KCNN2: variants seen among roughly 807,000 people sequenced by gnomAD.
The protein encoded by KCNN2 is potassium calcium-activated channel subfamily N member 2, also known as small conductance calcium-activated potassium channel protein 2.
KCNN2 carries 24 observed loss-of-function variants against 55.5 expected under a neutral mutation model. The observed-to-expected ratio is 0.43, with a 90% confidence interval of 0.31 to 0.61. The LOEUF is 0.61. KCNN2 is among the 20% of genes least tolerant of loss of function. The pLI is 0.08. For synonymous variants in KCNN2, 431 were observed against 336.1 expected (o/e 1.28, Z -3.09); for missense variants, 754 against 853.6 (o/e 0.88, Z 1.45).
intron 2 of KCNN2, among the ~76,000 whole-genome samples, chr5:114,392,433 A>ATTCCTC (rs887108050): frequency 6.6e-6 from 1 of 152,170 alleles, no homozygotes; most frequent in African/African-American, 2.4e-5. Context: ...TTAGTTTCAC[A>ATTCCTC]TTCCTCCTCC....
intron 2 of KCNN2, among the ~76,000 whole-genome samples, chr5:114,397,472 T>G (rs964533792): frequency 2.0e-5 from 3 of 152,122 alleles, no homozygotes; most frequent in African/African-American, 7.2e-5. Flanking sequence ...CTGCAACCTC[T>G]GCTTCCTGGG....
At chr5:114,075,677 A>C (rs559264442) in intron 1 of KCNN2, among the ~76,000 whole-genome samples, 1 of 152,326 alleles carries the variant, frequency 6.6e-6, no homozygotes, top group African/African-American at 2.4e-5. Context: ...GGTAGGGCCC[A>C]TGTCCTTATT....
rs142829102 is a variant in KCNN2 at position 114,146,191 on chromosome 5, C to T, written c.-270-75289C>T. Among the ~76,000 whole-genome samples, 105 of 152,070 alleles carry T rather than the reference C, an allele frequency of 6.9e-4. 1 individual carries two copies. The East Asian group carries it at 0.013, about 18-fold the overall frequency. On this transcript the variant is annotated intron_variant, in intron 1 of 10. Transcript: ENST00000512097. ...GATGGTTACCAGAAAAAATGTTTTT[C>T]GGTGACAGTAACAGAACTAGATTTA...
chr5:114,083,729 G>A (rs746906919), intron 1 of KCNN2, among the ~76,000 whole-genome samples: 2 of 152,044 alleles, frequency 1.3e-5, no homozygotes, highest in Non-Finnish European at 2.9e-5. Context: ...GGTGCACTCT[G>A]TGTTGTACAG....
intron 3 of KCNN2, among the ~76,000 whole-genome samples, chr5:114,407,469 C>CA: frequency 6.6e-6 from 1 of 151,816 alleles, no homozygotes; most frequent in South Asian, 2.1e-4. Flanking sequence ...AGAAACTTTT[C>CA]TCTGGAGATG....
intron 2 of KCNN2, among the ~76,000 whole-genome samples, chr5:114,289,486 C>T (rs1755838682): frequency 6.6e-6 from 1 of 151,606 alleles, no homozygotes; most frequent in Non-Finnish European, 1.5e-5. Flanking sequence ...AAGTGATTCT[C>T]CTACCTTAGC....
chr5:114,409,352 G>T (rs771336879), intron 3 of KCNN2, among the ~76,000 whole-genome samples: 3 of 151,988 alleles, frequency 2.0e-5, no homozygotes, highest in Non-Finnish European at 4.4e-5. Context: ...TTGTTTTTCC[G>T]TAAATTTGCA....
intron 2 of KCNN2, among the ~76,000 whole-genome samples, chr5:114,284,359 A>T (rs1050460920): frequency 5.3e-5 from 8 of 152,162 alleles, no homozygotes; most frequent in Admixed American, 4.6e-4. Flanking sequence ...TTGGATTTTT[A>T]AAAAATTTCT....
chr5:114,303,517 G>A (rs998835404), intron 2 of KCNN2, among the ~76,000 whole-genome samples: 5 of 152,148 alleles, frequency 3.3e-5, no homozygotes, highest in Non-Finnish European at 5.9e-5. Flanking sequence ...GAGCTTGCAC[G>A]CCAAACCAAA....
At chr5:114,415,447 T>A (rs910969434) in intron 3 of KCNN2, among the ~76,000 whole-genome samples, 1 of 152,226 alleles carries the variant, frequency 6.6e-6, no homozygotes, top group Non-Finnish European at 1.5e-5. Context: ...ATTATATATA[T>A]TGTCATATCT....
intron 3 of KCNN2, among the ~76,000 whole-genome samples, chr5:114,419,665 A>C (rs1040149712): frequency 6.6e-6 from 1 of 152,210 alleles, no homozygotes; most frequent in Admixed American, 6.5e-5. Context: ...AGCTAGATGC[A>C]TAAGTAATTT....
At chr5:114,075,920 G>A (rs1446490936) in intron 1 of KCNN2, among the ~76,000 whole-genome samples, 2 of 152,214 alleles carry the variant, frequency 1.3e-5, no homozygotes, top group Non-Finnish European at 2.9e-5. Context: ...ACAGATGTGT[G>A]ATTGAGCCCT....
intron 2 of KCNN2, among the ~76,000 whole-genome samples, chr5:114,299,206 T>G (rs1274533906): frequency 6.6e-6 from 1 of 151,832 alleles, no homozygotes; most frequent in African/African-American, 2.4e-5. Flanking sequence ...CTGCCTCCTC[T>G]ATGTTTGTCA....
chr5:114,079,347 A>C (rs1236103139), intron 1 of KCNN2, among the ~76,000 whole-genome samples: 1 of 152,332 alleles, frequency 6.6e-6, no homozygotes, highest in Non-Finnish European at 1.5e-5. Context: ...ATTATACGTC[A>C]TGAAAAAAAT....
At chr5:114,157,502 A>G (rs368342024) in intron 1 of KCNN2, among the ~76,000 whole-genome samples, 5 of 152,076 alleles carry the variant, frequency 3.3e-5, no homozygotes, top group African/African-American at 1.2e-4. Context: ...ATGATTTATA[A>G]TCCTTTGGGT....
chr5:114,394,533 A>G (rs1258440329), intron 2 of KCNN2, among the ~76,000 whole-genome samples: 2 of 152,220 alleles, frequency 1.3e-5, no homozygotes, highest in East Asian at 3.8e-4. Flanking sequence ...GCAGTATTTT[A>G]TCTTGAGACT....
At chr5:114,189,162 G>A (rs1383173664) in intron 1 of KCNN2, among the ~76,000 whole-genome samples, 2 of 129,864 alleles carry the variant, frequency 1.5e-5, no homozygotes, top group Non-Finnish European at 3.6e-5. Context: ...GTGTATGTGT[G>A]TGTGTGTGTA....
intron 7 of KCNN2, 75 bp from the exon 8 acceptor site, chr5:114,495,820 G>A (rs1261877965): frequency 7.0e-7 from 1 of 1,427,764 alleles, no homozygotes; most frequent in Non-Finnish European, 9.7e-7. Flanking sequence ...AGAGACCAGA[G>A]CTAAACCTCT....
chr5:114,120,381 C>T (rs1293581489), intron 1 of KCNN2, among the ~76,000 whole-genome samples: 1 of 152,070 alleles, frequency 6.6e-6, no homozygotes, highest in East Asian at 1.9e-4. Context: ...CTGGGGTCAG[C>T]GCTGAGGATC....
Sources: gnomAD v4.1 joint callset for allele counts (sites outside exome capture counted in the v4.1 genomes callset) on GRCh38, gnomAD v4.1.1 for gene constraint, MANE v1.5 for transcripts, NCBI Gene and HGNC (gene_info 2026-07-23, HGNC 2026-07-21) for gene names.